Variants in PDLIM1 observed in about 807,000 individuals in gnomAD.
PDLIM1 encodes PDZ and LIM domain 1.
Under a neutral mutation model 35.2 loss-of-function variants are expected in PDLIM1, and 25 were observed. The ratio of observed to expected loss-of-function variants is 0.71; its 90% CI spans 0.52 to 0.99. PDLIM1 has a LOEUF of 0.99. Among genes scored for constraint, PDLIM1 ranks in the 50% least tolerant of loss-of-function variants. The probability of loss-of-function intolerance (pLI) is 0.00; values close to 1 mark genes in which losing one functional copy is unlikely to be tolerated. For missense variants in PDLIM1, 363 were observed against 415.3 expected (o/e 0.87, Z 1.09); for synonymous variants, 152 against 154.0 (o/e 0.99, Z 0.10).
rs2035466606 is a variant in PDLIM1, at chr10:95,271,717, C to T, written c.164G>A (p.Gly55Glu). Reference sequence around the variant, plus strand: ...GTGTGTCATATTGCTAGTATTTTCCCCATCAATGGCTGTGATTACATCTCC... The same window carrying T: ...GTGTGTCATATTGCTAGTATTTTCCTCATCAATGGCTGTGATTACATCTCC... ...CIGDVITAID[G>E]ENTSNMTHLE... Residue 55 changes from glycine (G) to glutamate (E), a missense_variant, in exon 2 of 7, where the codon GGG becomes GAG. Coordinates refer to ENST00000329399, the MANE Select transcript of PDLIM1 (RefSeq NM_020992.4). The T allele has an allele frequency of 6.2e-7, 1 of 1,612,368 alleles. No homozygotes were observed. Among genetic ancestry groups the T allele is most frequent in the African/African-American group, 1.3e-5 (1 of 74,824 alleles).
intron 3 of PDLIM1, among the ~76,000 whole-genome samples, chr10:95,266,859 A>G (rs190408965): frequency 2.0e-5 from 3 of 152,224 alleles, no homozygotes; most frequent in African/African-American, 7.2e-5. Context: ...GCCTTTTAGA[A>G]GGGATGATGT....
chr10:95,287,487 T>C (rs907030142), intron 1 of PDLIM1, among the ~76,000 whole-genome samples: 1 of 152,038 alleles, frequency 6.6e-6, no homozygotes, highest in Non-Finnish European at 1.5e-5. Flanking sequence ...CAGAGACAAA[T>C]GAGCAACTCC....
At chr10:95,248,503 C>T (rs572879202) in intron 4 of PDLIM1, among the ~76,000 whole-genome samples, 2 of 152,336 alleles carry the variant, frequency 1.3e-5, no homozygotes, top group East Asian at 1.9e-4. Flanking sequence ...CAGCCTCGGA[C>T]TCCCAAAGCG....
chr10:95,266,469 G>C (rs1015536564), intron 3 of PDLIM1, among the ~76,000 whole-genome samples: 3 of 152,098 alleles, frequency 2.0e-5, no homozygotes, highest in Non-Finnish European at 4.4e-5. Flanking sequence ...CCCCAAGGAA[G>C]GGTCTTTATT....
In PDLIM1 at chr10:95,290,342, GGTTGT is replaced by G. The variant is rs1258573512; in HGVS notation, c.96+473_96+477del. ...GGGTCAAGTCCAAAGAGCGTGTTTC[GGTTGT>G]TTTTTTAGGTTAATCCCACTTGCCC... On this transcript the variant is annotated intron_variant, in intron 1 of 6. Transcript: ENST00000329399. This position sits in a 1 kb window ranked among gnomAD's most constrained non-coding sequence, Gnocchi z 4.7. Among the ~76,000 whole-genome samples the G allele has an allele frequency of 2.0e-5, 3 of 152,216 alleles. No homozygotes were observed. The East Asian group carries it at 5.8e-4, about 29-fold the overall frequency.
intron 1 of PDLIM1, among the ~76,000 whole-genome samples, chr10:95,289,669 TC>T (rs1307571528): frequency 6.6e-6 from 1 of 152,188 alleles, no homozygotes; most frequent in East Asian, 1.9e-4. Context: ...TAAGGATATT[TC>T]CCTTTCTTCT....
intron 2 of PDLIM1, among the ~76,000 whole-genome samples, chr10:95,271,024 T>C (rs371408037): frequency 2.6e-5 from 4 of 151,760 alleles, no homozygotes; most frequent in Admixed American, 2.0e-4. Context: ...GTGCTGGGAT[T>C]ACAAAGAGAG....
intron 1 of PDLIM1, among the ~76,000 whole-genome samples, chr10:95,276,896 TA>T (rs61442624): frequency 0.31 from 21,066 of 68,356 alleles, 2,522 homozygotes; most frequent in African/African-American, 0.39. Flanking sequence ...TTCAGTTTCC[TA>T]AAAAAAAAAA....
chr10:95,275,255 A>G (rs1189522337), intron 1 of PDLIM1, among the ~76,000 whole-genome samples: 1 of 152,172 alleles, frequency 6.6e-6, no homozygotes, highest in African/African-American at 2.4e-5. Flanking sequence ...CTGCCGAACT[A>G]TCTTTGAAAA....
intron 1 of PDLIM1, among the ~76,000 whole-genome samples, chr10:95,280,089 T>C (rs1409887004): frequency 2.0e-5 from 3 of 152,158 alleles, no homozygotes; most frequent in Admixed American, 6.5e-5. Flanking sequence ...AAAAAACAAA[T>C]TTTAGGCCAG....
chr10:95,289,810 T>TG (rs1471821184), intron 1 of PDLIM1, among the ~76,000 whole-genome samples: 2 of 152,180 alleles, frequency 1.3e-5, no homozygotes, highest in Non-Finnish European at 2.9e-5. Flanking sequence ...GGAGTGGCCA[T>TG]GGGTGGGGAG....
intron 4 of PDLIM1, among the ~76,000 whole-genome samples, chr10:95,255,324 T>TAAAA (rs56689408): frequency 9.7e-6 from 1 of 102,906 alleles, no homozygotes. Context: ...CCAAAGATAC[T>TAAAA]AAAAAAAAAA....
chr10:95,245,623 T>C (rs2035212612), intron 5 of PDLIM1, among the ~76,000 whole-genome samples: 1 of 152,220 alleles, frequency 6.6e-6, no homozygotes, highest in African/African-American at 2.4e-5. Flanking sequence ...CCCAAGTTGT[T>C]TGTCAGGCAA....
intron 4 of PDLIM1, among the ~76,000 whole-genome samples, chr10:95,262,092 T>C (rs1278963175): frequency 1.3e-5 from 2 of 151,690 alleles, no homozygotes; most frequent in African/African-American, 2.4e-5. Context: ...GTCATGGGTG[T>C]CCAATGACAT....
intron 1 of PDLIM1, among the ~76,000 whole-genome samples, chr10:95,275,168 G>A (rs530104661): frequency 4.1e-4 from 62 of 152,206 alleles, no homozygotes; most frequent in African/African-American, 5.8e-4. Context: ...ACCAAGATGC[G>A]AACTCAACAC....
chr10:95,244,416 C>T (rs2035202269), intron 5 of PDLIM1, among the ~76,000 whole-genome samples: 1 of 152,198 alleles, frequency 6.6e-6, no homozygotes, highest in South Asian at 2.1e-4. Context: ...TGGATCTGTG[C>T]AGAAACTAGA....
At chr10:95,288,554 G>GTT (rs11385391) in intron 1 of PDLIM1, among the ~76,000 whole-genome samples, 3,494 of 148,998 alleles carry the variant, frequency 0.023, 93 homozygotes, top group African/African-American at 0.067. Flanking sequence ...CACTGCAGAG[G>GTT]TTTTTTTTTT....
chr10:95,284,780 T>C (rs1312645224), intron 1 of PDLIM1, among the ~76,000 whole-genome samples: 1 of 152,222 alleles, frequency 6.6e-6, no homozygotes, highest in Non-Finnish European at 1.5e-5. Context: ...TCTGGCCTCC[T>C]ACAAGACCGC....
chr10:95,283,261 C>T (rs1161922754), intron 1 of PDLIM1, among the ~76,000 whole-genome samples: 1 of 152,006 alleles, frequency 6.6e-6, no homozygotes, highest in Non-Finnish European at 1.5e-5. Flanking sequence ...TACCACTAGG[C>T]TCTCTCTATA....
Sources: gnomAD v4.1 joint callset for allele counts (sites outside exome capture counted in the v4.1 genomes callset) on GRCh38, gnomAD v4.1.1 for gene constraint, Gnocchi (gnomAD v3.1) non-coding constraint, MANE v1.5 for transcripts, NCBI Gene and HGNC (gene_info 2026-07-23, HGNC 2026-07-21) for gene names.